Variants in GTF3C4 observed in about 807,000 individuals in gnomAD.
GTF3C4 encodes the protein general transcription factor 3C polypeptide 4.
In GTF3C4, 28 loss-of-function variants were observed where a neutral mutation model predicts 67.5. That is an observed-to-expected ratio of 0.41 (90% CI 0.31 to 0.57). GTF3C4 has a LOEUF of 0.57. Ranked by LOEUF, GTF3C4 falls within the 20% of genes least tolerant of loss-of-function variation. The pLI is 0.21. For synonymous variants in GTF3C4, 409 were observed against 393.0 expected (o/e 1.04, Z -0.48); for missense variants, 831 against 1,033.2 (o/e 0.80, Z 2.68).
chr9:132,684,923 TG>T (rs1334686108), intron 3 of GTF3C4, among the ~76,000 whole-genome samples: 7 of 152,322 alleles, frequency 4.6e-5, no homozygotes, highest in African/African-American at 9.6e-5. Flanking sequence ...TCCTCTAGAA[TG>T]GAAAGCTGTA....
chr9:132,688,801 A>C, intron 4 of GTF3C4, 80 bp from the exon 5 acceptor site: 2 of 1,029,908 alleles, frequency 1.9e-6, no homozygotes, highest in Non-Finnish European at 3.1e-6. Context: ...CCCGTCTCTC[A>C]ACGCTACAGT....
At chr9:132,670,422 C>T, upstream of GTF3C4, 3 of 1,020,728 alleles carry the variant, frequency 2.9e-6, no homozygotes, top group Admixed American at 3.8e-5. Flanking sequence ...AGTTCCTTGG[C>T]CACCTGGTAG....
chr9:132,691,246 C>T lies in GTF3C4; in HGVS notation c.*2301C>T, dbSNP rs1836111576. The T allele has an allele frequency of 6.6e-6, 1 of 152,204 alleles. No individual in the cohort carries two copies. Among genetic ancestry groups the T allele is most frequent in the Non-Finnish European group, 1.5e-5 (1 of 68,072 alleles). 9.4% of individuals were successfully genotyped at this position (152,204 alleles called of 1,614,324 possible). Reference sequence around the variant, plus strand: ...AGATTTTGAGTTAATGGCAGCCTCACAAATAGTGCTTCTGAATTTCTCTGA... The same window carrying T: ...AGATTTTGAGTTAATGGCAGCCTCATAAATAGTGCTTCTGAATTTCTCTGA... On this transcript the variant is annotated 3_prime_UTR_variant, in exon 5 of 5. Transcript: ENST00000372146.
rs536210597 is a variant in GTF3C4 at position 132,680,668 on chromosome 9, A to G, written c.2184+865A>G. On this transcript the variant is annotated intron_variant, in intron 2 of 4. Coordinates refer to ENST00000372146, the MANE Select transcript of GTF3C4 (RefSeq NM_012204.4). ...CCTTGTTCTTAATGTTAAGCCATTC[A>G]CAATCACTTGTTGCACTTTCTTGTT... Among the ~76,000 whole-genome samples, 4 of 152,384 alleles carry G rather than the reference A, an allele frequency of 2.6e-5. No individual in the cohort carries two copies. The South Asian group carries it at 8.3e-4, about 32-fold the overall frequency.
chr9:132,676,322 A>AT lies in GTF3C4; in HGVS notation c.358-1638dup, dbSNP rs35467574. On this transcript the variant is annotated intron_variant, in intron 1 of 4. Transcript: ENST00000372146. ...TTGTTATTTATGTACCATTTGGGGG[A>AT]TTTTTTTTTTTTTTTTTGCAAAGCC... 8.5e-3 allele frequency among the ~76,000 whole-genome samples: 1,042 copies of AT among 122,392 alleles called. 8 individuals carry two copies. Among genetic ancestry groups the AT allele is most frequent in the African/African-American group, 0.025 (792 of 31,902 alleles). The allele number at this position is 122,392 out of a possible 152,430, so 80.3% of individuals were successfully genotyped here.
chr9:132,689,170 G>A lies in GTF3C4; in HGVS notation c.*225G>A, dbSNP rs576501612. ...TGGCTGGACTCAGAGAGTTGGAGTC[G>A]TTTTGAGATGAGCATTAGCCCCAGC... On this transcript the variant is annotated 3_prime_UTR_variant, in exon 5 of 5. Coordinates refer to ENST00000372146, the MANE Select transcript of GTF3C4 (RefSeq NM_012204.4). 8 of 537,964 alleles carry A rather than the reference G, an allele frequency of 1.5e-5. No homozygotes were observed. Among genetic ancestry groups the A allele is most frequent in the African/African-American group, 7.6e-5 (4 of 52,792 alleles). The allele number at this position is 537,964 out of a possible 1,614,324, so 33.3% of individuals were successfully genotyped here.
chr9:132,686,565 C>T (rs1157883449), intron 3 of GTF3C4, among the ~76,000 whole-genome samples: 2 of 152,184 alleles, frequency 1.3e-5, no homozygotes, highest in South Asian at 2.1e-4. Flanking sequence ...CATTGCATCC[C>T]ACCTGTCCTT....
chr9:132,687,238 G>A lies in GTF3C4; in HGVS notation c.2316-1G>A. ...TGCCAATACAGTCTGTCTTCTTTCA[G>A]GTGCTTCTTAACCTACCAGTCCTGC... On this transcript the variant is annotated splice_acceptor_variant, in intron 3 of 4. Transcript: ENST00000372146. LOFTEE classifies it high-confidence loss of function. The A allele has an allele frequency of 6.3e-7, 1 of 1,577,866 alleles. No homozygotes were observed. The highest frequency in any genetic ancestry group is 8.7e-7 in the Non-Finnish European group (1 of 1,147,510).
rs1444682996 is a variant in GTF3C4, at chr9:132,689,125, C to T, written c.*180C>T. 1 of 589,478 alleles carries T rather than the reference C, an allele frequency of 1.7e-6. No homozygotes were observed. The highest frequency in any genetic ancestry group is 3.0e-6 in the Non-Finnish European group (1 of 329,378). 36.5% of individuals were successfully genotyped at this position (589,478 alleles called of 1,614,324 possible). A position where few individuals can be genotyped will look rare whatever the true frequency, so the allele number is the denominator to read the frequency against. On this transcript the variant is annotated 3_prime_UTR_variant, in exon 5 of 5. Coordinates refer to ENST00000372146, the MANE Select transcript of GTF3C4 (RefSeq NM_012204.4). Reference sequence around the variant, plus strand: ...GAATCGCACTCTCCATTTCCAGAGACTAAAGGATGTCCTTTGAAATGGCTG... The same window carrying T: ...GAATCGCACTCTCCATTTCCAGAGATTAAAGGATGTCCTTTGAAATGGCTG...
intron 1 of GTF3C4, among the ~76,000 whole-genome samples, chr9:132,675,895 C>CTT (rs72145516): frequency 0.064 from 5,711 of 88,972 alleles, 806 homozygotes; most frequent in African/African-American, 0.18. Context: ...TCCAGTTACC[C>CTT]TTTTTTTTTT....
intron 3 of GTF3C4, among the ~76,000 whole-genome samples, chr9:132,686,136 G>T (rs1344669164): frequency 6.6e-6 from 1 of 152,206 alleles, no homozygotes; most frequent in East Asian, 1.9e-4. Context: ...TGAGATTGGG[G>T]CCTGGGGAAG....
At chr9:132,670,044 C>A (rs770760649), upstream of GTF3C4, 1 of 1,563,624 alleles carries the variant, frequency 6.4e-7, no homozygotes, top group Non-Finnish European at 8.7e-7. Flanking sequence ...CCTTCCGGGT[C>A]CGGAACGGCT....
At chr9:132,681,620 G>A (rs1030381610) in intron 2 of GTF3C4, among the ~76,000 whole-genome samples, 10 of 152,144 alleles carry the variant, frequency 6.6e-5, no homozygotes, top group East Asian at 1.9e-4. Flanking sequence ...AAGTTTTAAT[G>A]TATTTTGTGT....
rs1404065436 is a variant in GTF3C4, at chr9:132,689,610, CTT to C, written c.*666_*667del. The C allele has an allele frequency of 1.3e-5, 2 of 152,396 alleles. No homozygotes were observed. The highest frequency in any genetic ancestry group is 4.8e-5 in the African/African-American group (2 of 41,526). The allele number at this position is 152,396 out of a possible 1,614,324, so 9.4% of individuals were successfully genotyped here. ...TGACTATTATAATGAATAATTGTGA[CTT>C]ATTTTTCATTCTCTCCTGGGTCATC... On this transcript the variant is annotated 3_prime_UTR_variant, in exon 5 of 5. Coordinates refer to ENST00000372146, the MANE Select transcript of GTF3C4 (RefSeq NM_012204.4).
At chr9:132,672,334 AGGAG>A (rs1835794841) in intron 1 of GTF3C4, among the ~76,000 whole-genome samples, 1 of 152,200 alleles carries the variant, frequency 6.6e-6, no homozygotes, top group African/African-American at 2.4e-5. Flanking sequence ...ATGTAAAGAA[AGGAG>A]GGAGTAGTAA....
Position 132,694,231 on chromosome 9 carries a change from T to A in GTF3C4, c.*5286T>A, listed in dbSNP as rs1266756254. 6.6e-6 allele frequency: 1 copy of A among 152,216 alleles called. No individual in the cohort carries two copies. Among genetic ancestry groups the A allele is most frequent in the Admixed American group, 6.5e-5 (1 of 15,280 alleles). 9.4% of individuals were successfully genotyped at this position (152,216 alleles called of 1,614,324 possible). ...TAGTTTTCATTACTAGATTGTAAGC[T>A]CCTCAAGGGCAGGAATTGTTTTATC... On this transcript the variant is annotated 3_prime_UTR_variant, in exon 5 of 5. Transcript: ENST00000372146.
chr9:132,686,248 T>C (rs970878010), intron 3 of GTF3C4, among the ~76,000 whole-genome samples: 1 of 152,332 alleles, frequency 6.6e-6, no homozygotes, highest in South Asian at 2.1e-4. Context: ...CATTAATGTC[T>C]CCTAGATGGG....
Position 132,679,404 on chromosome 9 carries a change from C to A in GTF3C4, c.1785C>A (p.Ala595=), listed in dbSNP as rs778020564. Residue 595 remains alanine (A), a synonymous_variant, in exon 2 of 5, where the codon GCC becomes GCA. Transcript: ENST00000372146. The surrounding 1 kb of genome is among the most constrained non-coding windows in gnomAD (Gnocchi z 5.9). ...CAATGCAGAAAACCCCTTCAGAAGC[C>A]TTGTGGAAACCCACCCATGAGGACT... The part of the protein sequence containing the change: ...YQSMQKTPSE[A]LWKPTHEDSK... 7 of 1,614,124 alleles carry A rather than the reference C, an allele frequency of 4.3e-6. No individual in the cohort carries two copies. Among genetic ancestry groups the A allele is most frequent in the Middle Eastern group, 1.6e-4 (1 of 6,062 alleles).
intron 1 of GTF3C4, among the ~76,000 whole-genome samples, chr9:132,675,895 CTTT>C (rs72145516): frequency 3.4e-5 from 3 of 89,038 alleles, no homozygotes; most frequent in South Asian, 4.3e-4. Context: ...TCCAGTTACC[CTTT>C]TTTTTTTTTT....
Sources: allele counts gnomAD v4.1 joint callset (sites outside exome capture counted in the v4.1 genomes callset), GRCh38; gene constraint gnomAD v4.1.1; non-coding constraint Gnocchi (gnomAD v3.1); transcripts MANE v1.5; gene names NCBI Gene and HGNC (gene_info 2026-07-23, HGNC 2026-07-21).